ARID4B: variants seen among roughly 807,000 people sequenced by gnomAD.
ARID4B encodes AT-rich interaction domain 4B, also known as AT-rich interactive domain-containing protein 4B.
A neutral mutation model predicts 147.5 loss-of-function variants in ARID4B; 26 were observed. The observed-to-expected ratio is 0.18, with a 90% CI of 0.13 to 0.24. ARID4B has a LOEUF of 0.24. Ranked by LOEUF, ARID4B falls within the 10% of genes least tolerant of loss-of-function variation. The probability of loss-of-function intolerance (pLI) is 1.00; values close to 1 mark genes in which losing one functional copy is unlikely to be tolerated. For missense variants in ARID4B, 1,179 were observed against 1,511.5 expected, an observed-to-expected ratio of 0.78 and a Z score of 3.65; for synonymous variants, 512 against 507.9, an observed-to-expected ratio of 1.01 and a Z score of -0.11.
intron 20 of ARID4B, chr1:235,180,149 T>C (rs1664218615): frequency 6.9e-6 from 1 of 144,890 alleles, no homozygotes; most frequent in Non-Finnish European, 1.5e-5. Flanking sequence ...TTTTTTTTTT[T>C]TTTTTTTTTT....
chr1:235,298,838 C>A (rs1175528286), intron 2 of ARID4B, among the ~76,000 whole-genome samples: 1 of 152,106 alleles, frequency 6.6e-6, no homozygotes, highest in Non-Finnish European at 1.5e-5. Context: ...AGATGGGGAA[C>A]CAAACCATAC....
chr1:235,258,608 A>G (rs1279042721), intron 3 of ARID4B, among the ~76,000 whole-genome samples: 1 of 152,212 alleles, frequency 6.6e-6, no homozygotes, highest in African/African-American at 2.4e-5. Context: ...TAACAAGGGA[A>G]AAGAGTTCTT....
At chr1:235,322,808 G>C (rs74600379) in intron 2 of ARID4B, among the ~76,000 whole-genome samples, 1 of 151,886 alleles carries the variant, frequency 6.6e-6, no homozygotes, top group Admixed American at 6.6e-5. Flanking sequence ...AGAAGGAAGA[G>C]GGGGAAGGAA....
rs768067220 is a variant in ARID4B at position 235,175,335 on chromosome 1, T to C, written c.3513A>G (p.Lys1171=). 2.5e-5 allele frequency: 40 copies of C among 1,614,070 alleles called. No homozygotes were observed. Among genetic ancestry groups the C allele is most frequent in the South Asian group, 1.6e-4 (15 of 91,088 alleles). ...GAGACTTCATTCCAGTGGAAACTGATTTGACTGGCTGACTCTTAGTTATAC... is the reference window on the plus strand; with the variant it reads ...GAGACTTCATTCCAGTGGAAACTGACTTGACTGGCTGACTCTTAGTTATAC... ...GESITKSQPV[K]SVSTGMKSHS... is the part of the protein sequence containing the mutation. Residue 1171 remains lysine, a synonymous_variant, in exon 22 of 24, where the codon AAA becomes AAG. Transcript: ENST00000264183.
intron 2 of ARID4B, among the ~76,000 whole-genome samples, chr1:235,309,137 G>A (rs1289112320): frequency 2.0e-5 from 3 of 149,680 alleles, no homozygotes; most frequent in African/African-American, 7.4e-5. Flanking sequence ...GCCCCGTCTG[G>A]GATGTGAGGA....
intron 21 of ARID4B, chr1:235,176,719 G>A (rs535176711): frequency 1.2e-4 from 47 of 392,528 alleles, no homozygotes; most frequent in African/African-American, 9.0e-4. Flanking sequence ...GAGCACAGCC[G>A]CCCGGGGCCC....
chr1:235,195,155 G>A (rs749818253), intron 18 of ARID4B, among the ~76,000 whole-genome samples: 2 of 152,092 alleles, frequency 1.3e-5, no homozygotes, highest in African/African-American at 2.4e-5. Context: ...TACATATCTA[G>A]TATCATTCCA....
chr1:235,182,755 C>T lies in ARID4B; in HGVS notation c.2164G>A (p.Glu722Lys). 6.2e-7 allele frequency: 1 copy of T among 1,604,116 alleles called. No homozygotes were observed. The change falls in exon 20 of 24, where the codon GAG (glutamate) becomes AAG (lysine). Residue 722 changes from glutamate (E) to lysine (K), a missense_variant. Coordinates refer to ENST00000264183, the MANE Select transcript of ARID4B (RefSeq NM_016374.6). ...SSAEDSEQED[E>K]RGAQDMDNNG... ...TTATCCATGTCTTGAGCACCTCTCT[C>T]ATCTTCCTGCTCACTGTCTTCAGCA...
intron 2 of ARID4B, among the ~76,000 whole-genome samples, chr1:235,302,292 G>A: frequency 7.6e-6 from 1 of 130,818 alleles, no homozygotes; most frequent in Non-Finnish European, 1.6e-5. Context: ...AGGAAGGAAG[G>A]AAGGAAAAAG....
intron 17 of ARID4B, among the ~76,000 whole-genome samples, chr1:235,209,127 A>C (rs769755180): frequency 5.9e-5 from 9 of 152,252 alleles, no homozygotes; most frequent in African/African-American, 2.4e-5. Context: ...CCTTTGTATA[A>C]CAAAAATCAA....
chr1:235,295,152 A>G (rs904880811), intron 2 of ARID4B, among the ~76,000 whole-genome samples: 1 of 152,108 alleles, frequency 6.6e-6, no homozygotes. Flanking sequence ...CTCAAAGCTA[A>G]TATGTGTTAT....
chr1:235,241,180 C>T (rs977184862), intron 7 of ARID4B, among the ~76,000 whole-genome samples: 1 of 152,258 alleles, frequency 6.6e-6, no homozygotes, highest in African/African-American at 2.4e-5. Flanking sequence ...CAATTTGAAT[C>T]TGATTCTAAT....
intron 2 of ARID4B, 93 bp downstream of exon 2, chr1:235,326,820 CA>C: frequency 1.3e-6 from 2 of 1,508,500 alleles, no homozygotes; most frequent in South Asian, 1.1e-5. Context: ...CCTTCCTCTG[CA>C]AAACTCGGAA....
At chr1:235,173,766 AAAAAAATATATATATATATATATATAT>A (rs1663586158) in intron 22 of ARID4B, among the ~76,000 whole-genome samples, 3 of 48,196 alleles carry the variant, frequency 6.2e-5, no homozygotes, top group African/African-American at 3.7e-4. Flanking sequence ...AAAAAAAAAA[AAAAAAATATATATATATATATATATAT>A]ATATATATAT....
At chr1:235,177,612 CAT>C (rs775333261) in intron 21 of ARID4B, 186 bp downstream of exon 21, 56 of 489,026 alleles carry the variant, frequency 1.1e-4, no homozygotes, top group Non-Finnish European at 1.7e-4. Context: ...TGTCCTAGTG[CAT>C]GTTTTTTTTT....
Position 235,205,944 on chromosome 1 carries a change from T to C in ARID4B, c.1841+7825A>G, listed in dbSNP as rs551259388. On this transcript the variant is annotated intron_variant, in intron 17 of 23. Coordinates refer to ENST00000264183, the MANE Select transcript of ARID4B (RefSeq NM_016374.6). ...AACGGTGTCGTCTCTGTGGAAAAGTTTGACAGTTCCTTAGAATGTGAAACA... is the reference window on the plus strand; with the variant it reads ...AACGGTGTCGTCTCTGTGGAAAAGTCTGACAGTTCCTTAGAATGTGAAACA... 7.2e-5 allele frequency among the ~76,000 whole-genome samples: 11 copies of C among 152,260 alleles called. No homozygotes were observed. In the East Asian group the frequency reaches 1.5e-3, roughly 21 times the overall value.
At chr1:235,267,409 T>C (rs1199521048) in intron 2 of ARID4B, among the ~76,000 whole-genome samples, 2 of 152,242 alleles carry the variant, frequency 1.3e-5, no homozygotes, top group Non-Finnish European at 2.9e-5. Context: ...ATAATGGAGA[T>C]AATTCCAAAA....
At chr1:235,326,191 G>A (rs941043023) in intron 2 of ARID4B, among the ~76,000 whole-genome samples, 7 of 150,310 alleles carry the variant, frequency 4.7e-5, no homozygotes, top group African/African-American at 1.5e-4. Flanking sequence ...ATTCTCTCAA[G>A]TAACAAAAAT....
chr1:235,203,843 A>G (rs919364390), intron 17 of ARID4B, among the ~76,000 whole-genome samples: 1 of 152,198 alleles, frequency 6.6e-6, no homozygotes, highest in African/African-American at 2.4e-5. Context: ...AATCATTATT[A>G]ATTATAAACT....
Sources: allele counts gnomAD v4.1 joint callset (sites outside exome capture counted in the v4.1 genomes callset), GRCh38; gene constraint gnomAD v4.1.1; transcripts MANE v1.5; gene names NCBI Gene and HGNC (gene_info 2026-07-23, HGNC 2026-07-21).